GNB1: variants seen among roughly 807,000 people sequenced by gnomAD.
GNB1 encodes guanine nucleotide-binding protein G(I)/G(S)/G(T) subunit beta-1.
A neutral mutation model predicts 42.9 loss-of-function variants in GNB1; 2 were observed. The ratio of observed to expected loss-of-function variants is 0.05; its 90% CI spans 0.02 to 0.15. The LOEUF (loss-of-function observed/expected upper bound fraction) is 0.15. Among genes scored for constraint, GNB1 ranks in the 10% least tolerant of loss-of-function variants. GNB1 has a pLI of 1.00. For missense variants in GNB1, 193 were observed against 462.2 expected, an observed-to-expected ratio of 0.42 and a Z score of 5.34; for synonymous variants, 183 against 174.7, an observed-to-expected ratio of 1.05 and a Z score of -0.38.
intron 3 of GNB1, among the ~76,000 whole-genome samples, chr1:1,824,436 C>T (rs183946124): frequency 1.5e-4 from 23 of 152,204 alleles, no homozygotes; most frequent in African/African-American, 4.8e-4. Context: ...GAGTGAAACT[C>T]TCTCTCAAAT....
intron 1 of GNB1, among the ~76,000 whole-genome samples, chr1:1,842,299 G>A (rs1007926891): frequency 4.3e-4 from 65 of 152,068 alleles, no homozygotes; most frequent in African/African-American, 1.2e-3. Context: ...GCATGGTGGC[G>A]GGCGTCTGTA....
At chr1:1,799,530 G>A (rs1646596254) in intron 7 of GNB1, among the ~76,000 whole-genome samples, 1 of 152,202 alleles carries the variant, frequency 6.6e-6, no homozygotes. Flanking sequence ...AGACAGAGCT[G>A]TGTGGTTTAC....
At chr1:1,810,818 C>A (rs1034349863) in intron 5 of GNB1, among the ~76,000 whole-genome samples, 1 of 151,492 alleles carries the variant, frequency 6.6e-6, no homozygotes, top group African/African-American at 2.4e-5. Flanking sequence ...CAGGCACCCA[C>A]CATGAAGCCT....
intron 5 of GNB1, among the ~76,000 whole-genome samples, chr1:1,814,245 C>T (rs559971994): frequency 2.0e-4 from 31 of 152,138 alleles, no homozygotes; most frequent in African/African-American, 6.5e-4. Flanking sequence ...GACAATTTCA[C>T]GAACAAAGAA....
intron 2 of GNB1, among the ~76,000 whole-genome samples, chr1:1,835,770 G>A (rs1038061505): frequency 1.3e-5 from 2 of 152,042 alleles, no homozygotes; most frequent in African/African-American, 2.4e-5. Context: ...GGTGTGTGTT[G>A]AACATTCCAA....
rs367660899 is a variant in GNB1, at chr1:1,808,713, A to G, written c.204-2175T>C. 3.9e-5 allele frequency among the ~76,000 whole-genome samples: 6 copies of G among 151,932 alleles called. No homozygotes were observed. In the South Asian group the frequency reaches 1.0e-3, roughly 26 times the overall value. Reference sequence around the variant, plus strand: ...GGCTGGAGTGCAGTGGTGTGATCTCAGCTCACTGCAACCTCTATCTCCTGG... The same window carrying G: ...GGCTGGAGTGCAGTGGTGTGATCTCGGCTCACTGCAACCTCTATCTCCTGG... On this transcript the variant is annotated intron_variant, in intron 5 of 11. Coordinates refer to ENST00000378609, the MANE Select transcript of GNB1 (RefSeq NM_002074.5).
chr1:1,867,336 A>G (rs1047919911), intron 1 of GNB1, among the ~76,000 whole-genome samples: 4 of 152,246 alleles, frequency 2.6e-5, no homozygotes, highest in Non-Finnish European at 1.5e-5. Flanking sequence ...AGGTTGGACA[A>G]GCATGACTAG....
At chr1:1,789,464 G>A (rs575498718) in intron 9 of GNB1, among the ~76,000 whole-genome samples, 195 bp from the exon 10 acceptor site, 4 of 152,210 alleles carry the variant, frequency 2.6e-5, no homozygotes, top group South Asian at 2.1e-4. Context: ...AGGCTGACGC[G>A]GGTGGATCAC....
chr1:1,873,056 GT>G (rs981544654), intron 1 of GNB1, among the ~76,000 whole-genome samples: 49 of 144,840 alleles, frequency 3.4e-4, no homozygotes, highest in East Asian at 1.4e-3. Flanking sequence ...GCTAAGCCTT[GT>G]TTTTTTTTTT....
chr1:1,884,573 A>G, intron 1 of GNB1, among the ~76,000 whole-genome samples: 1 of 152,166 alleles, frequency 6.6e-6, no homozygotes, highest in East Asian at 1.9e-4. Flanking sequence ...TGTAATCAAC[A>G]TAGGGAATAT....
At chr1:1,826,587 C>T (rs546785613) in intron 2 of GNB1, among the ~76,000 whole-genome samples, 29 of 152,232 alleles carry the variant, frequency 1.9e-4, no homozygotes, top group African/African-American at 6.7e-4. Flanking sequence ...GATGCTCACA[C>T]AGCAATCCTG....
At chr1:1,823,211 C>A (rs1646955594) in intron 3 of GNB1, among the ~76,000 whole-genome samples, 1 of 139,578 alleles carries the variant, frequency 7.2e-6, no homozygotes, top group African/African-American at 2.7e-5. Context: ...CACTGCACTC[C>A]AGCCTGGGGA....
chr1:1,818,760 G>A (rs2100903510), intron 3 of GNB1, among the ~76,000 whole-genome samples: 1 of 152,092 alleles, frequency 6.6e-6, no homozygotes, highest in Non-Finnish European at 1.5e-5. Flanking sequence ...CTACTCAGGA[G>A]GCTGAGGCAG....
Position 1,855,635 on chromosome 1 carries a change from G to A in GNB1, c.-95-16397C>T, listed in dbSNP as rs1648247461. ...AGAATGGCTGGCATGAACCCCGGGG[G>A]GCGGAGCCTGCAGTGAGCCGAGATC... On this transcript the variant is annotated intron_variant, in intron 1 of 11. Transcript: ENST00000378609. Among the ~76,000 whole-genome samples, 6 of 151,896 alleles carry A rather than the reference G, an allele frequency of 4.0e-5. 1 individual carries two copies. Among genetic ancestry groups the A allele is most frequent in the Admixed American group, 3.9e-4 (6 of 15,252 alleles).
chr1:1,831,846 C>A (rs1453871409), intron 2 of GNB1, among the ~76,000 whole-genome samples: 3 of 150,174 alleles, frequency 2.0e-5, no homozygotes, highest in Non-Finnish European at 4.4e-5. Flanking sequence ...ATGGCTTGAG[C>A]TCAGGAGTTC....
chr1:1,815,706 G>A (rs1420536679), intron 5 of GNB1, 50 bp downstream of exon 5: 3 of 981,026 alleles, frequency 3.1e-6, no homozygotes, highest in Non-Finnish European at 4.9e-6. Context: ...TAGGACAACA[G>A]AGCAGCCCCT....
At chr1:1,814,972 TGTG>T (rs1166768547) in intron 5 of GNB1, among the ~76,000 whole-genome samples, 2 of 151,272 alleles carry the variant, frequency 1.3e-5, no homozygotes, top group Non-Finnish European at 3.0e-5. Context: ...AATTAGCCAG[TGTG>T]GTGGCAGGCG....
At chr1:1,877,852 A>G (rs945073362) in intron 1 of GNB1, among the ~76,000 whole-genome samples, 2 of 152,178 alleles carry the variant, frequency 1.3e-5, no homozygotes, top group African/African-American at 4.8e-5. Flanking sequence ...TGAGTTACAT[A>G]AGATTTAGGC....
intron 5 of GNB1, among the ~76,000 whole-genome samples, chr1:1,811,873 G>A (rs1646784261): frequency 6.6e-6 from 1 of 151,648 alleles, no homozygotes; most frequent in Non-Finnish European, 1.5e-5. Context: ...AGACCATCCT[G>A]GCTAACATGG....
Sources: allele counts gnomAD v4.1 joint callset (sites outside exome capture counted in the v4.1 genomes callset), GRCh38; gene constraint gnomAD v4.1.1; transcripts MANE v1.5; gene names NCBI Gene and HGNC (gene_info 2026-07-23, HGNC 2026-07-21).